The following USP15 variants were observed in gnomAD, a reference collection of about 807,000 sequenced individuals.
USP15 encodes the protein ubiquitin specific peptidase 15.
USP15 carries 18 observed loss-of-function variants against 127.1 expected under a neutral mutation model. The ratio of observed to expected loss-of-function variants is 0.14; its 90% CI spans 0.10 to 0.21. The LOEUF is 0.21. Among genes scored for constraint, USP15 ranks in the 10% least tolerant of loss-of-function variants. USP15 has a pLI of 1.00. For missense variants in USP15, 805 were observed against 1,159.9 expected (o/e 0.69, Z 4.44); for synonymous variants, 364 against 393.7 (o/e 0.92, Z 0.89).
intron 20 of USP15, among the ~76,000 whole-genome samples, chr12:62,398,124 T>G (rs2067556032): frequency 6.6e-6 from 1 of 151,714 alleles, no homozygotes; most frequent in South Asian, 2.1e-4. Context: ...CCCGAGTAGC[T>G]GGACTACAGG....
intron 21 of USP15, among the ~76,000 whole-genome samples, chr12:62,403,332 G>A (rs368720090): frequency 3.0e-4 from 46 of 152,156 alleles, no homozygotes; most frequent in Non-Finnish European, 6.2e-4. Context: ...GTCCACAGAA[G>A]AGCCTGAGAA....
chr12:62,381,263 G>A (rs1432496087), intron 8 of USP15, among the ~76,000 whole-genome samples: 1 of 152,008 alleles, frequency 6.6e-6, no homozygotes, highest in Non-Finnish European at 1.5e-5. Flanking sequence ...TACAGCAGCG[G>A]ATATTAGCAT....
At position 62,384,003 on chromosome 12, in the gene USP15, A is replaced by G; in HGVS notation, c.1248+5A>G. The G allele has an allele frequency of 2.5e-6, 4 of 1,611,840 alleles. No homozygotes were observed. The highest frequency in any genetic ancestry group is 3.4e-6 in the Non-Finnish European group (4 of 1,178,890). ...GCAGATGGAAGGCCAGATAAGGTAA[A>G]TTTCATGATCCTATTGTCACCATTG... On this transcript the variant is annotated splice_donor_5th_base_variant and intron_variant, in intron 10 of 21. Transcript: ENST00000280377.
chr12:62,354,477 T>C (rs2066058336), intron 7 of USP15, among the ~76,000 whole-genome samples: 1 of 151,874 alleles, frequency 6.6e-6, no homozygotes, highest in Admixed American at 6.6e-5. Context: ...ATCATACATA[T>C]TTTATAAGAT....
At chr12:62,337,923 T>C (rs998764992) in intron 6 of USP15, among the ~76,000 whole-genome samples, 1 of 152,164 alleles carries the variant, frequency 6.6e-6, no homozygotes, top group Non-Finnish European at 1.5e-5. Context: ...CTGTTGTAAA[T>C]AGTGCTGCAA....
At chr12:62,395,645 CT>C (rs1395945123) in intron 19 of USP15, among the ~76,000 whole-genome samples, 1 of 151,620 alleles carries the variant, frequency 6.6e-6, no homozygotes, top group Non-Finnish European at 1.5e-5. Flanking sequence ...TCTCCCCTAC[CT>C]TCCCACCACA....
At chr12:62,329,088 T>C (rs1461549402) in intron 6 of USP15, among the ~76,000 whole-genome samples, 1 of 152,182 alleles carries the variant, frequency 6.6e-6, no homozygotes, top group Non-Finnish European at 1.5e-5. Context: ...ATTTAGTGAA[T>C]ATTCACTTAT....
intron 7 of USP15, among the ~76,000 whole-genome samples, chr12:62,351,549 AGTGGTCTG>A (rs1345709453): frequency 1.3e-5 from 2 of 151,918 alleles, no homozygotes; most frequent in Non-Finnish European, 2.9e-5. Context: ...TATTGGTATG[AGTGGTCTG>A]GTGTGTTTCT....
At chr12:62,375,288 A>G (rs1338445875) in intron 8 of USP15, among the ~76,000 whole-genome samples, 4 of 152,108 alleles carry the variant, frequency 2.6e-5, no homozygotes, top group African/African-American at 7.2e-5. Context: ...CTCTTTAGGC[A>G]TCATTTGGAC....
At chr12:62,329,814 C>A (rs1391458691) in intron 6 of USP15, among the ~76,000 whole-genome samples, 4 of 152,200 alleles carry the variant, frequency 2.6e-5, no homozygotes, top group Middle Eastern at 6.3e-3. Context: ...GTGTAGATAT[C>A]TGTGTACTTA....
chr12:62,338,724 G>C (rs1225644661), intron 6 of USP15, among the ~76,000 whole-genome samples: 1 of 152,058 alleles, frequency 6.6e-6, no homozygotes, highest in Non-Finnish European at 1.5e-5. Flanking sequence ...TATTAAATAG[G>C]GAATCATTTC....
At chr12:62,323,035 T>C (rs1384429889) in intron 5 of USP15, among the ~76,000 whole-genome samples, 1 of 152,184 alleles carries the variant, frequency 6.6e-6, no homozygotes, top group Non-Finnish European at 1.5e-5. Context: ...AGGCCAGCCG[T>C]ATCAGATTAT....
chr12:62,354,207 A>G (rs2066049865), intron 7 of USP15, among the ~76,000 whole-genome samples: 1 of 151,764 alleles, frequency 6.6e-6, no homozygotes, highest in African/African-American at 2.4e-5. Context: ...ATAAACTTTT[A>G]TAATAATAAA....
intron 9 of USP15, 139 bp downstream of exon 9, chr12:62,381,802 A>G (rs1474954964): frequency 3.0e-6 from 2 of 675,838 alleles, no homozygotes; most frequent in Admixed American, 3.3e-5. Flanking sequence ...AAATAGATAT[A>G]CAGTACATCT....
intron 3 of USP15, 95 bp from the exon 4 acceptor site, chr12:62,314,695 A>T (rs946508501): frequency 1.5e-5 from 18 of 1,167,372 alleles, no homozygotes; most frequent in South Asian, 3.3e-5. Flanking sequence ...TTCACTGGAG[A>T]TCTGCAGTTT....
intron 1 of USP15, among the ~76,000 whole-genome samples, chr12:62,264,229 C>T (rs1401448885): frequency 6.6e-6 from 1 of 152,166 alleles, no homozygotes; most frequent in East Asian, 1.9e-4. Flanking sequence ...AGTGATCTGC[C>T]TACCTTGGCC....
At chr12:62,387,257 T>A (rs1400951920) in intron 11 of USP15, among the ~76,000 whole-genome samples, 1 of 152,106 alleles carries the variant, frequency 6.6e-6, no homozygotes, top group East Asian at 1.9e-4. Context: ...TTTAGAAGGA[T>A]GAGATTACTT....
chr12:62,282,638 C>T (rs939644444), intron 1 of USP15, among the ~76,000 whole-genome samples: 8 of 152,140 alleles, frequency 5.3e-5, no homozygotes, highest in Non-Finnish European at 1.5e-5. Context: ...CTGTGCCATT[C>T]CACCCAAACT....
Position 62,260,456 on chromosome 12 carries a change from T to C in USP15, c.42T>C (p.Ser14=). The change falls in exon 1 of 22, where the codon TCT becomes TCC. Residue 14 remains serine, a synonymous_variant. Transcript: ENST00000280377. Reference sequence around the variant, plus strand: ...CGGCGGATCTGGACACCCAGCGGTCTGACATCGCGACGCTGCTCAAAACCT... The same window carrying C: ...CGGCGGATCTGGACACCCAGCGGTCCGACATCGCGACGCTGCTCAAAACCT... The part of the protein sequence containing the change: ...GGAADLDTQR[S]DIATLLKTSL... The C allele has an allele frequency of 6.4e-7, 1 of 1,552,208 alleles. No individual in the cohort carries two copies.
Sources: gnomAD v4.1 joint callset for allele counts (sites outside exome capture counted in the v4.1 genomes callset) on GRCh38, gnomAD v4.1.1 for gene constraint, MANE v1.5 for transcripts, NCBI Gene and HGNC (gene_info 2026-07-23, HGNC 2026-07-21) for gene names.